Variants in GNAT2 observed in about 807,000 individuals in gnomAD.
The protein encoded by GNAT2 is guanine nucleotide-binding protein G(t) subunit alpha-2.
A neutral mutation model predicts 40.9 loss-of-function variants in GNAT2; 32 were observed. The observed-to-expected ratio is 0.78, with a 90% confidence interval of 0.59 to 1.05. The LOEUF is 1.05. GNAT2 is among the 50% of genes least tolerant of loss of function. The probability of loss-of-function intolerance (pLI) is 0.00; values close to 1 mark genes in which losing one functional copy is unlikely to be tolerated. For synonymous variants in GNAT2, 141 were observed against 157.2 expected, an observed-to-expected ratio of 0.90 and a Z score of 0.77; for missense variants, 355 against 431.5, an observed-to-expected ratio of 0.82 and a Z score of 1.57.
chr1:109,608,559 C>A, intron 5 of GNAT2, 72 bp downstream of exon 5: 1 of 1,489,058 alleles, frequency 6.7e-7, no homozygotes, highest in South Asian at 1.1e-5. Flanking sequence ...GGTGAGGTTT[C>A]TCCCAACCAG....
intron 4 of GNAT2, 62 bp downstream of exon 4, chr1:109,609,978 G>GT: frequency 6.7e-7 from 1 of 1,499,630 alleles, no homozygotes; most frequent in South Asian, 1.1e-5. Flanking sequence ...TTGGCCTCTG[G>GT]TATGTTTCTT....
intron 5 of GNAT2, chr1:109,608,366 G>C: frequency 1.9e-6 from 1 of 525,414 alleles, no homozygotes; most frequent in Non-Finnish European, 3.4e-6. Context: ...CACGTCTTTT[G>C]AATTTTGCAT....
intron 1 of GNAT2, 173 bp from the exon 2 acceptor site, chr1:109,613,096 G>A: frequency 1.8e-6 from 1 of 554,346 alleles, no homozygotes; most frequent in Non-Finnish European, 3.3e-6. Flanking sequence ...CTTAGTCTAG[G>A]GATTGTAGCC....
In GNAT2 at chr1:109,608,751, A is replaced by C; in HGVS notation, c.341T>G (p.Ile114Ser). ...CTCAGGAGGCATGGTTCCCTCCTCA[A>C]TGGAGTCAGCCAGGTTGTTGAGCTG... The part of the protein sequence containing the change: ...GRQLNNLADS[I>S]EEGTMPPELV... Residue 114 changes from isoleucine (I) to serine (S), a missense_variant, in exon 5 of 9, where the codon ATT becomes AGT. Physicochemically the swap from Ile to Ser is moderately radical, Grantham distance 142 (BLOSUM62 -2). Transcript: ENST00000679935. The C allele has an allele frequency of 6.2e-7, 1 of 1,613,478 alleles. No individual in the cohort carries two copies. The highest frequency in any genetic ancestry group is 1.1e-5 in the South Asian group (1 of 91,070).
chr1:109,612,876 C>T lies in GNAT2; in HGVS notation c.-6G>A, dbSNP rs1240387297. The T allele has an allele frequency of 6.3e-7, 1 of 1,575,010 alleles. No individual in the cohort carries two copies. Among genetic ancestry groups the T allele is most frequent in the Middle Eastern group, 1.7e-4 (1 of 5,996 alleles). On this transcript the variant is annotated 5_prime_UTR_variant, in exon 2 of 9. Coordinates refer to ENST00000679935, the MANE Select transcript of GNAT2 (RefSeq NM_001377295.2). ...GCACTGGCTCCACTTCCCATATTTGCCGTCTTGTCAGCTTTTTCAGGCCCC... is the reference window on the plus strand; with the variant it reads ...GCACTGGCTCCACTTCCCATATTTGTCGTCTTGTCAGCTTTTTCAGGCCCC...
intron 1 of GNAT2, chr1:109,613,573 AC>A (rs766524953): frequency 6.7e-4 from 103 of 154,308 alleles, no homozygotes; most frequent in Non-Finnish European, 8.4e-4. Context: ...AGCACTTATC[AC>A]TTCATATTGT....
At chr1:109,609,086 A>T in intron 4 of GNAT2, 1 of 452,982 alleles carries the variant, frequency 2.2e-6, no homozygotes, top group Non-Finnish European at 4.1e-6. Context: ...TACCGCCACA[A>T]AACGTGGGTC....
At chr1:109,611,015 CTTT>C (rs142250099) in intron 2 of GNAT2, 18 of 170,032 alleles carry the variant, frequency 1.1e-4, no homozygotes, top group East Asian at 3.2e-4. Context: ...TGCTGGTTCC[CTTT>C]TTTTTTTTTG....
In GNAT2 at chr1:109,604,124, T is replaced by C. The variant is rs758064816; in HGVS notation, c.721-20A>G. 3.1e-6 allele frequency: 5 copies of C among 1,596,034 alleles called. No homozygotes were observed. The highest frequency in any genetic ancestry group is 3.4e-6 in the Non-Finnish European group (4 of 1,164,624). On this transcript the variant is annotated intron_variant, in intron 7 of 8. Coordinates refer to ENST00000679935, the MANE Select transcript of GNAT2 (RefSeq NM_001377295.2). ...ACGATTCTAGTAAGAGGAAACACCA[T>C]TGGAAATATCAGATTTGGCTTATAG...
chr1:109,605,496 T>A, intron 7 of GNAT2: 1 of 224,832 alleles, frequency 4.4e-6, no homozygotes, highest in Non-Finnish European at 9.0e-6. Flanking sequence ...CTCCTTAAAC[T>A]CCTACGGACA....
chr1:109,606,299 T>C lies in GNAT2; in HGVS notation c.590+9A>G, dbSNP rs761237104. On this transcript the variant is annotated intron_variant, in intron 6 of 8. Coordinates refer to ENST00000679935, the MANE Select transcript of GNAT2 (RefSeq NM_001377295.2). ...GTATCCGAGATGCCCTAGGGAACCA[T>C]GCACTTACCTGAAATTCAAGTCTTT... is the stretch of plus-strand genomic sequence containing the variant. 7 of 1,613,650 alleles carry C rather than the reference T, an allele frequency of 4.3e-6. No homozygotes were observed. In the South Asian group the frequency reaches 6.6e-5, roughly 15 times the overall value.
At chr1:109,605,886 G>A in intron 7 of GNAT2, 84 bp downstream of exon 7, 1 of 1,210,150 alleles carries the variant, frequency 8.3e-7, no homozygotes, top group Non-Finnish European at 1.2e-6. Context: ...CCTAAGTTGG[G>A]GCAGTAGAGT....
At chr1:109,612,600 C>G (rs1649830661) in intron 2 of GNAT2, 153 bp downstream of exon 2, 4 of 700,660 alleles carry the variant, frequency 5.7e-6, no homozygotes, top group African/African-American at 5.2e-5. Flanking sequence ...TAACTCAGCT[C>G]TAGATCTCCT....
rs1649746670 is a variant in GNAT2 at position 109,610,069 on chromosome 1, C to T, written c.274G>A (p.Gly92Ser). ...LAIIRAMTTL[G>S]IDYAEPSCAD... ...CAGCTTGGTTCAGCATAATCGATGC[C>T]CAGTGTGGTCATGGCCCGGATGATA... Residue 92 changes from glycine to serine, a missense_variant, in exon 4 of 9, where the codon GGC (glycine) becomes AGC (serine). Gly to Ser is a moderately conservative substitution (Grantham distance 56). Coordinates refer to ENST00000679935, the MANE Select transcript of GNAT2 (RefSeq NM_001377295.2). 1 of 1,614,020 alleles carries T rather than the reference C, an allele frequency of 6.2e-7. No homozygotes were observed. Among genetic ancestry groups the T allele is most frequent in the Admixed American group, 1.7e-5 (1 of 60,020 alleles).
chr1:109,618,875 G>A (rs1650037524), intron 1 of GNAT2, among the ~76,000 whole-genome samples: 2 of 152,148 alleles, frequency 1.3e-5, no homozygotes, highest in Admixed American at 6.6e-5. Context: ...TCCAGCGTGG[G>A]GAGAGAAGAG....
Position 109,606,391 on chromosome 1 carries a change from A to C in GNAT2, c.507T>G (p.Pro169=). The C allele has an allele frequency of 6.2e-7, 1 of 1,610,896 alleles. No individual in the cohort carries two copies. The highest frequency in any genetic ancestry group is 8.5e-7 in the Non-Finnish European group (1 of 1,177,064). ...TGGATCGGAGCACATCTTGCTCACT[A>C]GGGAGGTACTCAGGGTCTGTAATTC... ...LERITDPEYL[P]SEQDVLRSRV... is the part of the protein sequence containing the mutation. The change falls in exon 6 of 9, where the codon CCT becomes CCG. Residue 169 remains proline, a synonymous_variant. Transcript: ENST00000679935.
At chr1:109,619,452 G>A (rs1165551100) in intron 1 of GNAT2, 31 bp downstream of exon 1, 1 of 152,250 alleles carries the variant, frequency 6.6e-6, no homozygotes, top group Non-Finnish European at 1.5e-5. Flanking sequence ...TGTGGGAAGG[G>A]GAGCCAGAAT....
chr1:109,613,065 A>G (rs1269054405), intron 1 of GNAT2, 142 bp from the exon 2 acceptor site: 7 of 649,592 alleles, frequency 1.1e-5, no homozygotes, highest in African/African-American at 7.2e-5. Flanking sequence ...GAGACTCCCT[A>G]CTTCAACTGG....
At chr1:109,608,817 TC>T in intron 4 of GNAT2, 29 bp from the exon 5 acceptor site, 1 of 1,597,110 alleles carries the variant, frequency 6.3e-7, no homozygotes, top group Non-Finnish European at 8.6e-7. Context: ...GTTAAGAACT[TC>T]ACAGGAGTAA....
Sources: gnomAD v4.1 joint callset for allele counts (sites outside exome capture counted in the v4.1 genomes callset) on GRCh38, gnomAD v4.1.1 for gene constraint, MANE v1.5 for transcripts, NCBI Gene and HGNC (gene_info 2026-07-23, HGNC 2026-07-21) for gene names.